The following ERC2 variants were observed in gnomAD, a reference collection of about 807,000 sequenced individuals.
ERC2 encodes ELKS/RAB6-interacting/CAST family member 2.
ERC2 carries 42 observed loss-of-function variants against 114.8 expected under a neutral mutation model. The observed-to-expected ratio is 0.37, with a 90% CI of 0.29 to 0.47. ERC2 has a LOEUF of 0.47. Among genes scored for constraint, ERC2 ranks in the 20% least tolerant of loss-of-function variants. ERC2 has a pLI of 0.99. For missense variants in ERC2, 939 were observed against 1,150.7 expected (o/e 0.82, Z 2.66); for synonymous variants, 454 against 425.5 (o/e 1.07, Z -0.82).
chr3:56,300,124 A>G (rs1490851379), intron 2 of ERC2, among the ~76,000 whole-genome samples: 1 of 152,116 alleles, frequency 6.6e-6, no homozygotes, highest in Admixed American at 6.5e-5. Context: ...CAGGTTTGAC[A>G]GCAACGGGAG....
chr3:55,516,263 A>G (rs1472266877), intron 17 of ERC2, among the ~76,000 whole-genome samples: 2 of 152,060 alleles, frequency 1.3e-5, no homozygotes, highest in Non-Finnish European at 2.9e-5. Flanking sequence ...AAAACAAACA[A>G]AAAACCAAAA....
intron 17 of ERC2, among the ~76,000 whole-genome samples, chr3:55,639,750 T>C (rs543251596): frequency 2.0e-5 from 3 of 152,338 alleles, no homozygotes; most frequent in East Asian, 1.9e-4. Context: ...GAATGTGTGA[T>C]ACTTTGGTTT....
intron 14 of ERC2, among the ~76,000 whole-genome samples, chr3:55,756,228 C>T (rs2067050230): frequency 1.3e-5 from 2 of 152,146 alleles, no homozygotes; most frequent in Admixed American, 6.5e-5. Flanking sequence ...ATTTAATTAT[C>T]CTCAGAGTTT....
At chr3:55,873,693 C>A (rs906869739) in intron 14 of ERC2, among the ~76,000 whole-genome samples, 2 of 152,200 alleles carry the variant, frequency 1.3e-5, no homozygotes. Context: ...ACTGAGCAAA[C>A]AGAAGGCAAG....
intron 7 of ERC2, among the ~76,000 whole-genome samples, chr3:56,049,053 G>A (rs898070411): frequency 4.6e-5 from 7 of 152,282 alleles, no homozygotes; most frequent in Admixed American, 1.3e-4. Flanking sequence ...ATGGCCAAAG[G>A]GGGGCAGGCA....
At chr3:56,400,441 A>G (rs2060479766) in intron 2 of ERC2, among the ~76,000 whole-genome samples, 1 of 152,252 alleles carries the variant, frequency 6.6e-6, no homozygotes, top group African/African-American at 2.4e-5. Flanking sequence ...ATAGTTATAA[A>G]TATCTGAAAT....
intron 14 of ERC2, among the ~76,000 whole-genome samples, chr3:55,834,722 C>T (rs1482069054): frequency 7.0e-5 from 10 of 142,706 alleles, no homozygotes; most frequent in Non-Finnish European, 1.5e-5. Context: ...AGAGCAAACA[C>T]ATTCAAAAGC....
intron 6 of ERC2, among the ~76,000 whole-genome samples, chr3:56,137,397 A>T (rs956480098): frequency 5.3e-5 from 8 of 151,474 alleles, no homozygotes; most frequent in Admixed American, 5.2e-4. Flanking sequence ...AACAGCTGTC[A>T]GCAAACTTTC....
chr3:55,816,417 A>G (rs1379594237), intron 14 of ERC2, among the ~76,000 whole-genome samples: 1 of 152,228 alleles, frequency 6.6e-6, no homozygotes, highest in Non-Finnish European at 1.5e-5. Context: ...ACCAATGTGC[A>G]CATCTTTAAC....
rs1470226016 is a variant in ERC2, at chr3:56,052,933, T to C, written c.1641+27884A>G. Among the ~76,000 whole-genome samples, 2 of 152,044 alleles carry C rather than the reference T, an allele frequency of 1.3e-5. 1 individual carries two copies. Among genetic ancestry groups the C allele is most frequent in the African/African-American group, 4.8e-5 (2 of 41,388 alleles). The stretch of plus-strand genomic sequence containing the variant: ...CTCCAGCCTCTCATCTTTCCCACAC[T>C]CTTCAGGTGGGGTAGGACTGACAGT... On this transcript the variant is annotated intron_variant, in intron 7 of 17. Transcript: ENST00000288221.
At chr3:56,167,030 T>A (rs891463819) in intron 4 of ERC2, among the ~76,000 whole-genome samples, 23 of 152,158 alleles carry the variant, frequency 1.5e-4, no homozygotes, top group Admixed American at 2.6e-4. Context: ...ACACTCCTTA[T>A]CCTTTCTAGA....
At chr3:55,673,110 C>T (rs1306509763) in intron 17 of ERC2, among the ~76,000 whole-genome samples, 1 of 152,200 alleles carries the variant, frequency 6.6e-6, no homozygotes, top group Non-Finnish European at 1.5e-5. Flanking sequence ...TCCTCATTCT[C>T]CCTTTCTCAT....
At chr3:56,446,184 T>C (rs2062553683) in intron 1 of ERC2, among the ~76,000 whole-genome samples, 1 of 152,146 alleles carries the variant, frequency 6.6e-6, no homozygotes, top group Admixed American at 6.5e-5. Flanking sequence ...ACCCCAGTCT[T>C]AGGTGCCCAG....
chr3:55,744,242 A>G (rs1028991673), intron 14 of ERC2, among the ~76,000 whole-genome samples: 2 of 152,122 alleles, frequency 1.3e-5, no homozygotes, highest in Admixed American at 6.5e-5. Context: ...ATCTCTACTA[A>G]AAATACAAAA....
At chr3:55,679,132 C>G (rs983826956) in intron 17 of ERC2, among the ~76,000 whole-genome samples, 3 of 152,204 alleles carry the variant, frequency 2.0e-5, no homozygotes, top group East Asian at 3.8e-4. Context: ...AATCTAAACT[C>G]TCTACCTCGC....
chr3:56,348,178 CTTCT>C (rs1158458529), intron 2 of ERC2, among the ~76,000 whole-genome samples: 2 of 152,106 alleles, frequency 1.3e-5, no homozygotes, highest in Non-Finnish European at 2.9e-5. Flanking sequence ...TCTTCCTTTC[CTTCT>C]AATTCTCCAT....
chr3:56,010,578 A>G lies in ERC2; in HGVS notation c.1791T>C (p.Ile597=), dbSNP rs1248408722. 1 of 1,613,116 alleles carries G rather than the reference A, an allele frequency of 6.2e-7. No individual in the cohort carries two copies. The highest frequency in any genetic ancestry group is 1.3e-5 in the African/African-American group (1 of 74,998). ...EEALSEKERI[I]ERLKEQRERD... ...TTTCTCGCTGTTCTTTCAAGCGCTC[A>G]ATTATTCTCTCCTGTAAGGCAATTA... The change falls in exon 9 of 18, where the codon ATT becomes ATC. Residue 597 remains isoleucine (I), a synonymous_variant. Coordinates refer to ENST00000288221, the MANE Select transcript of ERC2 (RefSeq NM_015576.3).
At chr3:56,277,013 A>C (rs2054048501) in intron 3 of ERC2, among the ~76,000 whole-genome samples, 1 of 152,196 alleles carries the variant, frequency 6.6e-6, no homozygotes, top group African/African-American at 2.4e-5. Context: ...TCTGTCGATG[A>C]ACTTTGCCTC....
intron 3 of ERC2, among the ~76,000 whole-genome samples, chr3:56,253,494 A>G (rs1364021639): frequency 6.6e-6 from 1 of 152,242 alleles, no homozygotes; most frequent in African/African-American, 2.4e-5. Flanking sequence ...AAGTGGAGTT[A>G]CGGAATCAAA....
Sources: gnomAD v4.1 joint callset for allele counts (sites outside exome capture counted in the v4.1 genomes callset) on GRCh38, gnomAD v4.1.1 for gene constraint, MANE v1.5 for transcripts, NCBI Gene and HGNC (gene_info 2026-07-23, HGNC 2026-07-21) for gene names.